The following TBC1D1 variants were observed in gnomAD, a reference collection of about 807,000 sequenced individuals.
TBC1D1 encodes the protein TBC1 (tre-2/USP6, BUB2, cdc16) domain family, member 1.
TBC1D1 carries 89 observed loss-of-function variants against 125.6 expected under a neutral mutation model. The observed-to-expected ratio is 0.71, with a 90% CI of 0.60 to 0.85. The LOEUF is 0.85. Among genes scored for constraint, TBC1D1 ranks in the 40% least tolerant of loss-of-function variants. The probability of loss-of-function intolerance (pLI) is 0.00; values close to 1 mark genes in which losing one functional copy is unlikely to be tolerated. For missense variants in TBC1D1, 1,377 were observed against 1,469.2 expected (o/e 0.94, Z 1.03); for synonymous variants, 565 against 564.1 (o/e 1.00, Z -0.02).
chr4:38,112,045 TAAAG>T (rs1762282289), intron 15 of TBC1D1: 1 of 985,274 alleles, frequency 1.0e-6, no homozygotes, highest in Admixed American at 6.1e-5. Context: ...ATTTTCTGCA[TAAAG>T]AAAATCAATG....
chr4:38,040,809 A>G (rs1017580751), intron 8 of TBC1D1, among the ~76,000 whole-genome samples: 1 of 152,224 alleles, frequency 6.6e-6, no homozygotes, highest in Admixed American at 6.5e-5. Flanking sequence ...ACCGGTTGCA[A>G]CAGATTCTGT....
rs56997021 is a variant in TBC1D1 at position 38,115,098 on chromosome 4, C to CTTTT, written c.2558-597_2558-594dup. ...TAGAGGATTAACAGTTTTCTTTTTT[C>CTTTT]TTTTTTTTTTTTTTTTTTGGAGTTG... On this transcript the variant is annotated intron_variant, in intron 15 of 19. Coordinates refer to ENST00000261439, the MANE Select transcript of TBC1D1 (RefSeq NM_015173.4). Among the ~76,000 whole-genome samples, 198 of 134,676 alleles carry CTTTT rather than the reference C, an allele frequency of 1.5e-3. 4 individuals are homozygous for CTTTT. Among genetic ancestry groups the CTTTT allele is most frequent in the African/African-American group, 5.4e-3 (191 of 35,422 alleles). The allele number at this position is 134,676 out of a possible 152,430, so 88.4% of individuals were successfully genotyped here.
At chr4:37,896,990 G>C (rs920675355) in intron 1 of TBC1D1, among the ~76,000 whole-genome samples, 1 of 152,102 alleles carries the variant, frequency 6.6e-6, no homozygotes, top group African/African-American at 2.4e-5. Flanking sequence ...CAGGTTTGCT[G>C]TAGAGGGATA....
chr4:38,081,437 C>G (rs146019911), intron 12 of TBC1D1, among the ~76,000 whole-genome samples: 1 of 151,928 alleles, frequency 6.6e-6, no homozygotes, highest in African/African-American at 2.4e-5. Flanking sequence ...CACAGCAAGA[C>G]GGTGACCCCG....
chr4:37,898,662 A>G (rs1560449261), intron 1 of TBC1D1, among the ~76,000 whole-genome samples: 1 of 152,086 alleles, frequency 6.6e-6, no homozygotes, highest in African/African-American at 2.4e-5. Context: ...ACCAAGAGAA[A>G]TGCTGACTGT....
rs1194942508 is a variant in TBC1D1 at position 37,908,966 on chromosome 4, A to AT, written c.417+6456dup. 3.9e-5 allele frequency among the ~76,000 whole-genome samples: 6 copies of AT among 152,312 alleles called. No homozygotes were observed. The South Asian group carries it at 1.2e-3, about 32-fold the overall frequency. On this transcript the variant is annotated intron_variant, in intron 2 of 19. Coordinates refer to ENST00000261439, the MANE Select transcript of TBC1D1 (RefSeq NM_015173.4). ...GACAAAACGGGTTTTCTTTTCTATG[A>AT]TTCTTGGCAATGAAGCTGCATTTCT...
In TBC1D1 at chr4:37,930,949, T is replaced by G. The variant is rs142837717; in HGVS notation, c.417+28437T>G. ...GGATTATACTGTTAGTAATGTCCTC[T>G]CCCATTCATATGGAGAAAGAATGGA... On this transcript the variant is annotated intron_variant, in intron 2 of 19. Coordinates refer to ENST00000261439, the MANE Select transcript of TBC1D1 (RefSeq NM_015173.4). Among the ~76,000 whole-genome samples, 1,453 of 152,320 alleles carry G rather than the reference T, an allele frequency of 9.5e-3. 25 individuals carry two copies. The highest frequency in any genetic ancestry group is 0.033 in the African/African-American group (1,378 of 41,560).
At chr4:38,097,661 AGAG>A (rs1261799339) in intron 14 of TBC1D1, among the ~76,000 whole-genome samples, 4 of 151,730 alleles carry the variant, frequency 2.6e-5, no homozygotes, top group African/African-American at 9.7e-5. Flanking sequence ...TGTTTTTACT[AGAG>A]ACGGGTTTTC....
Position 37,977,957 on chromosome 4 carries a change from C to T in TBC1D1, c.418-36552C>T, listed in dbSNP as rs1438876100. 6.6e-6 allele frequency among the ~76,000 whole-genome samples: 1 copy of T among 152,174 alleles called. No individual in the cohort carries two copies. The highest frequency in any genetic ancestry group is 1.5e-5 in the Non-Finnish European group (1 of 68,022). ...TCGCAGAAGTCGGCTTGCGCTGGGCCGCCTGGACAGGGCGCCGAGGATGCC... is the reference window on the plus strand; with the variant it reads ...TCGCAGAAGTCGGCTTGCGCTGGGCTGCCTGGACAGGGCGCCGAGGATGCC... On this transcript the variant is annotated intron_variant, in intron 2 of 19. Coordinates refer to ENST00000261439, the MANE Select transcript of TBC1D1 (RefSeq NM_015173.4). This position sits in a 1 kb window ranked among gnomAD's most constrained non-coding sequence, Gnocchi z 4.3.
At chr4:38,033,766 C>A (rs1179562171) in intron 7 of TBC1D1, among the ~76,000 whole-genome samples, 1 of 152,302 alleles carries the variant, frequency 6.6e-6, no homozygotes, top group Admixed American at 6.5e-5. Context: ...TTGCCTTTTC[C>A]AGCATGTCAT....
chr4:37,911,873 T>C (rs1718700521), intron 2 of TBC1D1, among the ~76,000 whole-genome samples: 1 of 152,178 alleles, frequency 6.6e-6, no homozygotes, highest in African/African-American at 2.4e-5. Context: ...GCTAGTGTAA[T>C]AAATGCCTGC....
At chr4:37,938,771 C>T (rs1346327975) in intron 2 of TBC1D1, among the ~76,000 whole-genome samples, 10 of 152,048 alleles carry the variant, frequency 6.6e-5, no homozygotes, top group East Asian at 1.9e-4. Flanking sequence ...TGAGAACAAG[C>T]GGTGTTTGGT....
At chr4:38,032,212 G>A (rs773622635) in intron 7 of TBC1D1, among the ~76,000 whole-genome samples, 5 of 152,156 alleles carry the variant, frequency 3.3e-5, no homozygotes, top group East Asian at 1.9e-4. Context: ...TCAGCTACTC[G>A]GGAGGCTAAG....
intron 12 of TBC1D1, 48 bp from the exon 15 acceptor site, chr4:38,089,884 A>T (rs183762379): frequency 6.6e-7 from 1 of 1,519,826 alleles, no homozygotes; most frequent in African/African-American, 1.4e-5. Flanking sequence ...TTGAATGTGC[A>T]TTTTTTGTTG....
Position 37,937,896 on chromosome 4 carries a change from A to T in TBC1D1, c.417+35384A>T, listed in dbSNP as rs573354227. 2.0e-5 allele frequency among the ~76,000 whole-genome samples: 3 copies of T among 152,256 alleles called. No homozygotes were observed. In the East Asian group the frequency reaches 5.8e-4, roughly 29 times the overall value. ...GCTGTTTGCTTTGTGTGTTGCATTA[A>T]ATATTACTGGGTATTTCTTGCTTGA... On this transcript the variant is annotated intron_variant, in intron 2 of 19. Coordinates refer to ENST00000261439, the MANE Select transcript of TBC1D1 (RefSeq NM_015173.4).
At chr4:38,080,385 C>G (rs1377240499) in intron 12 of TBC1D1, among the ~76,000 whole-genome samples, 1 of 152,230 alleles carries the variant, frequency 6.6e-6, no homozygotes, top group Non-Finnish European at 1.5e-5. Flanking sequence ...CATGCACTCT[C>G]TGCTGTTTTT....
chr4:37,901,922 T>A (rs756949086), intron 1 of TBC1D1, 81 bp from the exon 2 acceptor site: 1 of 602,736 alleles, frequency 1.7e-6, no homozygotes, highest in Non-Finnish European at 2.8e-6. Flanking sequence ...GGCTTTTGAG[T>A]TCTTCTGAAA....
intron 2 of TBC1D1, among the ~76,000 whole-genome samples, chr4:37,966,366 G>A (rs928382592): frequency 1.3e-5 from 2 of 152,218 alleles, no homozygotes; most frequent in African/African-American, 4.8e-5. Context: ...CTTCTGTCCT[G>A]TTTGGAAAAT....
chr4:38,107,265 G>T (rs1208288776), intron 15 of TBC1D1, among the ~76,000 whole-genome samples: 1 of 152,158 alleles, frequency 6.6e-6, no homozygotes. Context: ...CGCCCAGGGA[G>T]GCCTCCCACA....
Sources: allele counts gnomAD v4.1 joint callset (sites outside exome capture counted in the v4.1 genomes callset), GRCh38; gene constraint gnomAD v4.1.1; non-coding constraint Gnocchi (gnomAD v3.1); transcripts MANE v1.5; gene names NCBI Gene and HGNC (gene_info 2026-07-23, HGNC 2026-07-21).